The following ESRRB variants were observed in gnomAD, a reference collection of about 807,000 sequenced individuals.
ESRRB encodes the protein steroid hormone receptor ERR2.
Under a neutral mutation model 46.0 loss-of-function variants are expected in ESRRB, and 16 were observed. The observed-to-expected ratio is 0.35, with a 90% CI of 0.24 to 0.53. The LOEUF (loss-of-function observed/expected upper bound fraction) is 0.53. Ranked by LOEUF, ESRRB falls within the 20% of genes least tolerant of loss-of-function variation. ESRRB has a pLI of 0.93. For missense variants in ESRRB, 488 were observed against 607.4 expected, an observed-to-expected ratio of 0.80 and a Z score of 2.07; for synonymous variants, 246 against 259.6, an observed-to-expected ratio of 0.95 and a Z score of 0.50.
At chr14:76,329,541 G>C (rs918278559) in intron 1 of ESRRB, among the ~76,000 whole-genome samples, 2 of 152,194 alleles carry the variant, frequency 1.3e-5, no homozygotes, top group Non-Finnish European at 2.9e-5. Context: ...AAGGTGAAAA[G>C]CTCCATAAAA....
chr14:76,447,208 C>T (rs1312546173), intron 2 of ESRRB, among the ~76,000 whole-genome samples: 1 of 152,040 alleles, frequency 6.6e-6, no homozygotes, highest in Non-Finnish European at 1.5e-5. Context: ...CTATTACCTC[C>T]TCTCCTTTGT....
At chr14:76,399,784 G>A (rs1408767964) in intron 1 of ESRRB, among the ~76,000 whole-genome samples, 1 of 152,196 alleles carries the variant, frequency 6.6e-6, no homozygotes, top group African/African-American at 2.4e-5. Flanking sequence ...TGAGGAAGGG[G>A]ACAGCGCTCA....
At chr14:76,363,140 A>C (rs138849498) in intron 1 of ESRRB, among the ~76,000 whole-genome samples, 8 of 152,328 alleles carry the variant, frequency 5.3e-5, no homozygotes, top group African/African-American at 1.9e-4. Context: ...GGAATTGTGC[A>C]TTGGTTGATG....
chr14:76,424,911 AT>A (rs1180960796), intron 1 of ESRRB, among the ~76,000 whole-genome samples: 1 of 151,888 alleles, frequency 6.6e-6, no homozygotes, highest in Non-Finnish European at 1.5e-5. Flanking sequence ...TAATTTTTAT[AT>A]TTTTAGTAGA....
In ESRRB at chr14:76,482,185, A is replaced by C; in HGVS notation, c.688+59A>C. The stretch of plus-strand genomic sequence containing the variant: ...AGCATCTGTACCTGGAACATCAGGC[A>C]TCCCTTAGGGAAACATCATCTTCCC... On this transcript the variant is annotated intron_variant, in intron 4 of 6. Coordinates refer to ENST00000644823, the MANE Select transcript of ESRRB (RefSeq NM_001379180.1). The surrounding 1 kb of genome is among the most constrained non-coding windows in gnomAD (Gnocchi z 4.3). The C allele has an allele frequency of 7.8e-7, 1 of 1,279,040 alleles. No individual in the cohort carries two copies. The highest frequency in any genetic ancestry group is 1.2e-5 in the South Asian group (1 of 83,746). The allele number at this position is 1,279,040 out of a possible 1,614,324, so 79.2% of individuals were successfully genotyped here.
intron 3 of ESRRB, among the ~76,000 whole-genome samples, chr14:76,469,937 T>C (rs1566603816): frequency 1.6e-5 from 2 of 123,692 alleles, no homozygotes; most frequent in African/African-American, 5.9e-5. Context: ...TTGTTTTTTT[T>C]TTTTTTCTTT....
At chr14:76,442,073 G>A (rs1887943514) in intron 2 of ESRRB, among the ~76,000 whole-genome samples, 1 of 152,228 alleles carries the variant, frequency 6.6e-6, no homozygotes, top group African/African-American at 2.4e-5. Flanking sequence ...ATGGTGTGGT[G>A]CATTGGCTAA....
At chr14:76,333,211 G>T (rs1191690218) in intron 1 of ESRRB, among the ~76,000 whole-genome samples, 5 of 6,868 alleles carry the variant, frequency 7.3e-4, no homozygotes, top group African/African-American at 1.2e-3. Context: ...TTATATATAT[G>T]ATATATTTAT....
At chr14:76,408,127 A>T (rs1886268970) in intron 1 of ESRRB, among the ~76,000 whole-genome samples, 1 of 152,178 alleles carries the variant, frequency 6.6e-6, no homozygotes, top group Non-Finnish European at 1.5e-5. Context: ...CTTGGCCCCA[A>T]AAAAGTGCAC....
intron 1 of ESRRB, among the ~76,000 whole-genome samples, chr14:76,425,007 A>G (rs1355299768): frequency 6.6e-6 from 1 of 152,046 alleles, no homozygotes; most frequent in African/African-American, 2.4e-5. Context: ...TGAGGCTCAC[A>G]CCTGTAAATC....
In ESRRB at chr14:76,498,350, G is replaced by C; in HGVS notation, c.1257G>C (p.Leu419=). Residue 419 remains leucine, a synonymous_variant, in exon 7 of 7, where the codon CTG becomes CTC. Coordinates refer to ENST00000644823, the MANE Select transcript of ESRRB (RefSeq NM_001379180.1). ...RTGKLLLTLP[L]LRQTAAKAVQ... ...GCAAGCTGCTGCTGACACTGCCGCT[G>C]CTGCGGCAGACGGCCGCCAAGGCCG... 1.4e-5 allele frequency: 23 copies of C among 1,611,996 alleles called. No homozygotes were observed. Among genetic ancestry groups the C allele is most frequent in the Non-Finnish European group, 1.9e-5 (23 of 1,179,548 alleles).
chr14:76,386,129 G>A lies in ESRRB; in HGVS notation c.50+9678G>A, dbSNP rs549828248. Among the ~76,000 whole-genome samples, 8 of 152,230 alleles carry A rather than the reference G, an allele frequency of 5.3e-5. No homozygotes were observed. In the East Asian group the frequency reaches 5.8e-4, roughly 11 times the overall value. On this transcript the variant is annotated intron_variant, in intron 1 of 6. Transcript: ENST00000644823. ...GTTTAATGTGATCAATATGGCTCGC[G>A]TGTCAATATGTAACACAAGGGGATT...
chr14:76,418,233 G>T (rs1489605423), intron 1 of ESRRB, among the ~76,000 whole-genome samples: 1 of 152,126 alleles, frequency 6.6e-6, no homozygotes, highest in Non-Finnish European at 1.5e-5. Flanking sequence ...GAGATTACAG[G>T]CGTGAGCCAC....
At chr14:76,342,587 G>A (rs141226083) in intron 1 of ESRRB, among the ~76,000 whole-genome samples, 464 of 152,330 alleles carry the variant, frequency 3.0e-3, no homozygotes, top group African/African-American at 0.01. Flanking sequence ...AGAGAGGAAC[G>A]GGCGTGGCTG....
chr14:76,413,815 G>GC (rs1392642996), intron 1 of ESRRB, among the ~76,000 whole-genome samples: 1 of 150,246 alleles, frequency 6.7e-6, no homozygotes, highest in Non-Finnish European at 1.5e-5. Context: ...AGCAGAGGCG[G>GC]CCCCCGCACC....
At chr14:76,496,836 C>A (rs1242208298) in intron 6 of ESRRB, among the ~76,000 whole-genome samples, 1 of 152,188 alleles carries the variant, frequency 6.6e-6, no homozygotes, top group East Asian at 1.9e-4. Context: ...CACCATGGCC[C>A]CCTGGGAGCC....
chr14:76,357,656 G>A (rs1884399193), intron 1 of ESRRB, among the ~76,000 whole-genome samples: 2 of 152,114 alleles, frequency 1.3e-5, no homozygotes, highest in African/African-American at 4.8e-5. Context: ...TGGTACTATG[G>A]CATGCACCAC....
At chr14:76,348,788 G>A (rs1383894976) in intron 1 of ESRRB, among the ~76,000 whole-genome samples, 2 of 152,184 alleles carry the variant, frequency 1.3e-5, no homozygotes, top group African/African-American at 2.4e-5. Context: ...GGGCTTTGGG[G>A]ACACTGCGCA....
intron 1 of ESRRB, among the ~76,000 whole-genome samples, chr14:76,378,256 C>A (rs1166381327): frequency 2.0e-5 from 3 of 152,156 alleles, no homozygotes; most frequent in African/African-American, 7.2e-5. Flanking sequence ...GAAGTACATT[C>A]TTTGATTATG....
Sources: gnomAD v4.1 joint callset for allele counts (sites outside exome capture counted in the v4.1 genomes callset) on GRCh38, gnomAD v4.1.1 for gene constraint, Gnocchi (gnomAD v3.1) non-coding constraint, MANE v1.5 for transcripts, NCBI Gene and HGNC (gene_info 2026-07-23, HGNC 2026-07-21) for gene names.